MPPED1: variants seen among roughly 807,000 people sequenced by gnomAD.
MPPED1 encodes metallophosphoesterase domain-containing protein 1.
Under a neutral mutation model 36.2 loss-of-function variants are expected in MPPED1, and 16 were observed. That is an observed-to-expected ratio of 0.44 (90% confidence interval 0.30 to 0.67). The LOEUF (loss-of-function observed/expected upper bound fraction) is 0.67, where lower values mean the gene tolerates loss of function less well. Ranked by LOEUF, MPPED1 falls within the 30% of genes least tolerant of loss-of-function variation. The probability of loss-of-function intolerance (pLI) is 0.10; values close to 1 mark genes in which losing one functional copy is unlikely to be tolerated. For synonymous variants in MPPED1, 199 were observed against 191.3 expected, an observed-to-expected ratio of 1.04 and a Z score of -0.33; for missense variants, 307 against 453.4, an observed-to-expected ratio of 0.68 and a Z score of 2.93.
At chr22:43,466,375 G>A (rs1931172252) in intron 3 of MPPED1, among the ~76,000 whole-genome samples, 1 of 152,120 alleles carries the variant, frequency 6.6e-6, no homozygotes, top group Admixed American at 6.5e-5. Context: ...CCAGTGAGCT[G>A]CTGTGTGCCC....
At chr22:43,496,260 A>T (rs1218199222) in intron 4 of MPPED1, among the ~76,000 whole-genome samples, 37 of 41,482 alleles carry the variant, frequency 8.9e-4, no homozygotes, top group Middle Eastern at 0.025. Flanking sequence ...GTGGTGGTGG[A>T]GGTAGTGGTG....
intron 3 of MPPED1, among the ~76,000 whole-genome samples, chr22:43,444,736 A>T (rs889453722): frequency 4.6e-5 from 7 of 152,124 alleles, no homozygotes; most frequent in African/African-American, 1.7e-4. Context: ...TTAAAAAAAA[A>T]ATCTAAGCAG....
intron 6 of MPPED1, among the ~76,000 whole-genome samples, chr22:43,503,968 G>A (rs1932770414): frequency 6.6e-6 from 1 of 152,194 alleles, no homozygotes; most frequent in African/African-American, 2.4e-5. Flanking sequence ...TGAAGGATGA[G>A]GGGGATTCTA....
chr22:43,485,212 A>G (rs1361832679), intron 4 of MPPED1, among the ~76,000 whole-genome samples: 1 of 151,966 alleles, frequency 6.6e-6, no homozygotes, highest in Non-Finnish European at 1.5e-5. Flanking sequence ...CTACACACAC[A>G]TTCATACTCA....
chr22:43,454,563 C>G (rs1177820859), intron 3 of MPPED1, among the ~76,000 whole-genome samples: 1 of 151,912 alleles, frequency 6.6e-6, no homozygotes, highest in Non-Finnish European at 1.5e-5. Flanking sequence ...CTTTGGCCTC[C>G]CAAAATTCTT....
intron 3 of MPPED1, among the ~76,000 whole-genome samples, chr22:43,447,859 T>TTTTATA (rs1555899992): frequency 9.6e-5 from 6 of 62,526 alleles, no homozygotes; most frequent in African/African-American, 2.1e-4. Flanking sequence ...TATGTAAATA[T>TTTTATA]TATATATATA....
At chr22:43,451,646 C>T (rs1351738246) in intron 3 of MPPED1, among the ~76,000 whole-genome samples, 2 of 152,248 alleles carry the variant, frequency 1.3e-5, no homozygotes, top group Non-Finnish European at 2.9e-5. Flanking sequence ...AGTCACTTTC[C>T]AAACTAACAT....
chr22:43,432,302 A>T (rs1030895971), intron 2 of MPPED1, among the ~76,000 whole-genome samples: 1 of 141,394 alleles, frequency 7.1e-6, no homozygotes, highest in Admixed American at 7.0e-5. Context: ...AGAGAGAGGG[A>T]AAGAGAGAGA....
chr22:43,473,002 T>C (rs1358965578), intron 3 of MPPED1, among the ~76,000 whole-genome samples: 1 of 152,136 alleles, frequency 6.6e-6, no homozygotes, highest in Non-Finnish European at 1.5e-5. Context: ...GAGAGCTGAG[T>C]GTGATGGCAC....
At position 43,470,433 on chromosome 22, in the gene MPPED1, G is replaced by A. The variant is rs111310710; in HGVS notation, c.407-4303G>A. ...CTGTAAGCCATCCATTCATCCATCCGTCCATCTATAAACCATCCATCCATG... is the reference window on the plus strand; with the variant it reads ...CTGTAAGCCATCCATTCATCCATCCATCCATCTATAAACCATCCATCCATG... On this transcript the variant is annotated intron_variant, in intron 3 of 6. Coordinates refer to ENST00000443721, the MANE Select transcript of MPPED1 (RefSeq NM_001044370.2). Among the ~76,000 whole-genome samples the A allele has an allele frequency of 1.0e-3, 156 of 150,476 alleles. 1 individual carries two copies. Among genetic ancestry groups the A allele is most frequent in the African/African-American group, 3.5e-3 (145 of 40,970 alleles).
At chr22:43,470,085 A>G (rs1179068704) in intron 3 of MPPED1, among the ~76,000 whole-genome samples, 1 of 148,036 alleles carries the variant, frequency 6.8e-6, no homozygotes, top group Non-Finnish European at 1.5e-5. Context: ...CCAGCCACCC[A>G]TCCATCCATC....
At chr22:43,501,412 A>G (rs1932730457) in intron 5 of MPPED1, among the ~76,000 whole-genome samples, 1 of 142,540 alleles carries the variant, frequency 7.0e-6, no homozygotes, top group Admixed American at 7.1e-5. Context: ...CTTTCCATCC[A>G]TCCATCTCTC....
chr22:43,416,055 T>C (rs543138284), intron 1 of MPPED1, among the ~76,000 whole-genome samples: 12 of 152,344 alleles, frequency 7.9e-5, no homozygotes, highest in East Asian at 5.8e-4. Context: ...ACCTGAGAAA[T>C]GTAATCCCTT....
intron 1 of MPPED1, chr22:43,418,877 G>A (rs5751493): frequency 0.24 from 36,735 of 152,264 alleles, 5,288 homozygotes; most frequent in East Asian, 0.61. Flanking sequence ...TCGGTGGGGC[G>A]AGAAGGAAGG....
chr22:43,488,581 G>A (rs946850082), intron 4 of MPPED1, among the ~76,000 whole-genome samples: 1 of 152,138 alleles, frequency 6.6e-6, no homozygotes, highest in African/African-American at 2.4e-5. Context: ...AGCTGTTAAG[G>A]GGTTAACCTC....
At chr22:43,505,474 G>T in intron 6 of MPPED1, 24 bp from the exon 7 acceptor site, 1 of 1,585,640 alleles carries the variant, frequency 6.3e-7, no homozygotes, top group East Asian at 2.3e-5. Context: ...CTGCTGGCCT[G>T]ATGGGCATGT....
rs551428395 is a variant in MPPED1, at chr22:43,445,525, C to CATCTTA, written c.406+10311_406+10316dup. On this transcript the variant is annotated intron_variant, in intron 3 of 6. Coordinates refer to ENST00000443721, the MANE Select transcript of MPPED1 (RefSeq NM_001044370.2). ...CACGTACCCTGCCCCCTCTTGCTGCCATCTTATCTATATCTTTGCTGTCTG... is the reference window on the plus strand; with the variant it reads ...CACGTACCCTGCCCCCTCTTGCTGCCATCTTAATCTTATCTATATCTTTGCTGTCTG... Among the ~76,000 whole-genome samples the CATCTTA allele has an allele frequency of 4.6e-3, 698 of 150,370 alleles. 1 individual carries two copies. The highest frequency in any genetic ancestry group is 0.016 in the African/African-American group (660 of 40,962).
intron 4 of MPPED1, among the ~76,000 whole-genome samples, chr22:43,490,825 C>T (rs1932058415): frequency 6.6e-6 from 1 of 152,194 alleles, no homozygotes; most frequent in Non-Finnish European, 1.5e-5. Flanking sequence ...CTTACCCATT[C>T]CCCCTACCTG....
chr22:43,424,880 G>A (rs1569064328), intron 1 of MPPED1, 28 bp from the exon 2 acceptor site: 3 of 1,494,794 alleles, frequency 2.0e-6, no homozygotes, highest in Non-Finnish European at 2.7e-6. Flanking sequence ...CAGATTAACT[G>A]TCGCACGGTT....
Sources: gnomAD v4.1 joint callset for allele counts (sites outside exome capture counted in the v4.1 genomes callset) on GRCh38, gnomAD v4.1.1 for gene constraint, MANE v1.5 for transcripts, NCBI Gene and HGNC (gene_info 2026-07-23, HGNC 2026-07-21) for gene names.